CUL1: variants seen among roughly 807,000 people sequenced by gnomAD.
The protein encoded by CUL1 is cullin 1.
CUL1 carries 24 observed loss-of-function variants against 118.0 expected under a neutral mutation model. That is an observed-to-expected ratio of 0.20 (90% CI 0.15 to 0.29). The LOEUF is 0.29. Ranked by LOEUF, CUL1 falls within the 10% of genes least tolerant of loss-of-function variation. CUL1 has a pLI of 1.00. For missense variants in CUL1, 361 were observed against 933.8 expected, an observed-to-expected ratio of 0.39 and a Z score of 7.99; for synonymous variants, 332 against 340.4, an observed-to-expected ratio of 0.98 and a Z score of 0.27.
intron 1 of CUL1, among the ~76,000 whole-genome samples, chr7:148,699,788 G>C (rs961755938): frequency 2.6e-5 from 4 of 152,048 alleles, no homozygotes; most frequent in East Asian, 3.9e-4. Flanking sequence ...TAGTCGGGCC[G>C]GGCCCTGCGC....
rs764644152 is a variant in CUL1, at chr7:148,757,184, T to G, written c.483+34T>G. 3.0e-6 allele frequency: 4 copies of G among 1,353,276 alleles called. No homozygotes were observed. The South Asian group carries it at 8.5e-5, about 29-fold the overall frequency. The allele number at this position is 1,353,276 out of a possible 1,614,324, so 83.8% of individuals were successfully genotyped here. A position where few individuals can be genotyped will look rare whatever the true frequency, so the allele number is the denominator to read the frequency against. On this transcript the variant is annotated intron_variant, in intron 4 of 21. Transcript: ENST00000325222. ...TTTGTTTTAAAACGTTTTAAATTTG[T>G]TTTTGTTTTTGTTTTTTTTAATGGC...
At chr7:148,793,306 T>G (rs1801080101) in intron 17 of CUL1, among the ~76,000 whole-genome samples, 1 of 152,194 alleles carries the variant, frequency 6.6e-6, no homozygotes, top group African/African-American at 2.4e-5. Context: ...TTGAGATATA[T>G]TTTAGATAAT....
chr7:148,788,825 CCTCCCCCGA>C (rs1470406107), intron 14 of CUL1, 151 bp downstream of exon 14: 13 of 641,964 alleles, frequency 2.0e-5, no homozygotes, highest in Non-Finnish European at 3.6e-5. Flanking sequence ...GCCCAGCCCT[CCTCCCCCGA>C]CTCCCGTGTG....
intron 14 of CUL1, among the ~76,000 whole-genome samples, chr7:148,789,121 A>G (rs1486223708): frequency 6.6e-6 from 1 of 152,176 alleles, no homozygotes; most frequent in Non-Finnish European, 1.5e-5. Context: ...AGGGCCTTGC[A>G]TAGTAGTAGG....
chr7:148,776,306 G>GTTTTTTTTTTTT (rs1563166099), intron 9 of CUL1, among the ~76,000 whole-genome samples: 2 of 33,960 alleles, frequency 5.9e-5, no homozygotes, highest in African/African-American at 2.8e-4. Flanking sequence ...ACATAACCAG[G>GTTTTTTTTTTTT]CTTTTTTTTT....
chr7:148,729,845 TAGAA>T (rs972759789), intron 1 of CUL1, 113 bp from the exon 2 acceptor site: 8 of 323,236 alleles, frequency 2.5e-5, no homozygotes, highest in East Asian at 1.6e-4. Flanking sequence ...TGTTTGCACA[TAGAA>T]AGAGAAATGG....
intron 1 of CUL1, among the ~76,000 whole-genome samples, chr7:148,713,878 C>A (rs546186811): frequency 6.6e-6 from 1 of 152,250 alleles, no homozygotes; most frequent in East Asian, 1.9e-4. Context: ...TGTGTGCCAC[C>A]ACACCAGGCA....
At chr7:148,772,425 C>CAAA (rs11402401) in intron 9 of CUL1, among the ~76,000 whole-genome samples, 6 of 146,694 alleles carry the variant, frequency 4.1e-5, no homozygotes, top group East Asian at 4.0e-4. Flanking sequence ...AAAAAAAAAA[C>CAAA]AAAAAAAAAA....
At chr7:148,795,495 G>T (rs1801157402) in intron 17 of CUL1, among the ~76,000 whole-genome samples, 2 of 152,006 alleles carry the variant, frequency 1.3e-5, no homozygotes, top group African/African-American at 4.8e-5. Context: ...CGCAGGGTGT[G>T]GTGGCTCACG....
intron 1 of CUL1, among the ~76,000 whole-genome samples, chr7:148,728,042 A>G (rs1365578370): frequency 1.3e-5 from 2 of 152,116 alleles, no homozygotes; most frequent in African/African-American, 2.4e-5. Context: ...TTAGACAACT[A>G]AAATAGTCGC....
At chr7:148,710,565 G>A (rs953794264) in intron 1 of CUL1, among the ~76,000 whole-genome samples, 6 of 152,172 alleles carry the variant, frequency 3.9e-5, no homozygotes, top group African/African-American at 1.2e-4. Context: ...GCGAGACTCC[G>A]TCTCAGAAAA....
rs191926647 is a variant in CUL1, at chr7:148,793,157, T to C, written c.1899+339T>C. ...CGTGGGTGACAGAGACCCTGTCTCTTAAAAATAAAACTACGTGTAACACAC... is the reference window on the plus strand; with the variant it reads ...CGTGGGTGACAGAGACCCTGTCTCTCAAAAATAAAACTACGTGTAACACAC... On this transcript the variant is annotated intron_variant, in intron 17 of 21. Coordinates refer to ENST00000325222, the MANE Select transcript of CUL1 (RefSeq NM_003592.3). Among the ~76,000 whole-genome samples the C allele has an allele frequency of 1.1e-4, 17 of 152,166 alleles. No homozygotes were observed. The East Asian group carries it at 3.1e-3, about 28-fold the overall frequency.
rs929797140 is a variant in CUL1 at position 148,729,960 on chromosome 7, A to G, written c.-161-2A>G. The G allele has an allele frequency of 1.3e-6, 1 of 751,766 alleles. No homozygotes were observed. The highest frequency in any genetic ancestry group is 2.1e-6 in the Non-Finnish European group (1 of 472,812). 46.6% of individuals were successfully genotyped at this position (751,766 alleles called of 1,614,324 possible). A position where few individuals can be genotyped will look rare whatever the true frequency, so the allele number is the denominator to read the frequency against. ...CACTGATTCTCTTTATTTCTTCCTC[A>G]GGTTTGCCTGCAATGAGATTTCATT... On this transcript the variant is annotated splice_acceptor_variant, in intron 1 of 21. Coordinates refer to ENST00000325222, the MANE Select transcript of CUL1 (RefSeq NM_003592.3). LOFTEE classifies it low-confidence loss of function (5UTR_SPLICE).
At chr7:148,750,774 A>G (rs1035190880) in intron 2 of CUL1, among the ~76,000 whole-genome samples, 8 of 152,186 alleles carry the variant, frequency 5.3e-5, no homozygotes, top group African/African-American at 1.9e-4. Context: ...GAAACGAGTG[A>G]TCACTTACCA....
intron 11 of CUL1, among the ~76,000 whole-genome samples, chr7:148,784,847 C>G (rs1800765437): frequency 6.6e-6 from 1 of 152,060 alleles, no homozygotes; most frequent in South Asian, 2.1e-4. Flanking sequence ...TACCCACATA[C>G]CAGAATGAAA....
At chr7:148,744,913 C>T (rs993532915) in intron 2 of CUL1, among the ~76,000 whole-genome samples, 1 of 151,964 alleles carries the variant, frequency 6.6e-6, no homozygotes. Flanking sequence ...TTTCTTTCAC[C>T]ACTTAAACAT....
At chr7:148,744,440 AAG>A (rs1377238936) in intron 2 of CUL1, among the ~76,000 whole-genome samples, 1 of 138,070 alleles carries the variant, frequency 7.2e-6, no homozygotes, top group East Asian at 2.1e-4. Flanking sequence ...GTGTGTGTGA[AAG>A]AGAAGAAGGA....
At position 148,787,508 on chromosome 7, in the gene CUL1, C is replaced by G. The variant is rs1009931045; in HGVS notation, c.1479+388C>G. On this transcript the variant is annotated intron_variant, in intron 13 of 21. Coordinates refer to ENST00000325222, the MANE Select transcript of CUL1 (RefSeq NM_003592.3). The surrounding 1 kb of genome is among the most constrained non-coding windows in gnomAD (Gnocchi z 5.5). Reference sequence around the variant, plus strand: ...TAGTCTCTCCAGGTTATGAGGCAGGCAGAGGAGTTTGTGCAGTGGTTTGTA... The same window carrying G: ...TAGTCTCTCCAGGTTATGAGGCAGGGAGAGGAGTTTGTGCAGTGGTTTGTA... Among the ~76,000 whole-genome samples, 1 of 152,080 alleles carries G rather than the reference C, an allele frequency of 6.6e-6. No homozygotes were observed. The highest frequency in any genetic ancestry group is 1.5e-5 in the Non-Finnish European group (1 of 68,010).
At chr7:148,727,145 C>T (rs1183574158) in intron 1 of CUL1, among the ~76,000 whole-genome samples, 5 of 152,168 alleles carry the variant, frequency 3.3e-5, no homozygotes, top group African/African-American at 4.8e-5. Flanking sequence ...ACTAAATATT[C>T]GTTAAAACTA....
Sources: gnomAD v4.1 joint callset for allele counts (sites outside exome capture counted in the v4.1 genomes callset) on GRCh38, gnomAD v4.1.1 for gene constraint, Gnocchi (gnomAD v3.1) non-coding constraint, MANE v1.5 for transcripts, NCBI Gene and HGNC (gene_info 2026-07-23, HGNC 2026-07-21) for gene names.